Variants in NOCT observed in about 807,000 individuals in gnomAD.
The protein encoded by NOCT is CCR4 carbon catabolite repression 4-like.
NOCT carries 18 observed loss-of-function variants against 35.0 expected under a neutral mutation model. That is an observed-to-expected ratio of 0.51 (90% CI 0.36 to 0.76). The LOEUF is 0.76. NOCT is among the 30% of genes least tolerant of loss of function. The probability of loss-of-function intolerance (pLI) is 0.01; values close to 1 mark genes in which losing one functional copy is unlikely to be tolerated. For synonymous variants in NOCT, 235 were observed against 226.3 expected (o/e 1.04, Z -0.34); for missense variants, 479 against 541.0 (o/e 0.89, Z 1.14).
At chr4:139,021,763 G>GT (rs1560729106) in intron 1 of NOCT, among the ~76,000 whole-genome samples, 856 of 25,646 alleles carry the variant, frequency 0.033, 11 homozygotes, top group African/African-American at 0.098. Flanking sequence ...CAGTTTTTCT[G>GT]GTTTTTTTTT....
At position 139,016,151 on chromosome 4, in the gene NOCT, C is replaced by A. The variant is rs780645746; in HGVS notation, c.170C>A (p.Ala57Glu). Residue 57 changes from alanine (A) to glutamate (E), a missense_variant, in exon 1 of 3, where the codon GCG becomes GAG. Coordinates refer to ENST00000280614, the MANE Select transcript of NOCT (RefSeq NM_012118.4). Reference sequence around the variant, plus strand: ...GCGGCCTCGGCGGCCTCGGGCGCCGCGAGGTCGTGTTCCCGAACAGGTGAG... The same window carrying A: ...GCGGCCTCGGCGGCCTCGGGCGCCGAGAGGTCGTGTTCCCGAACAGGTGAG... ...LAAASAASGA[A>E]RSCSRTVCSM... 3 of 1,271,000 alleles carry A rather than the reference C, an allele frequency of 2.4e-6. No individual in the cohort carries two copies. Among genetic ancestry groups the A allele is most frequent in the Non-Finnish European group, 2.0e-6 (2 of 1,012,890 alleles). 78.7% of individuals were successfully genotyped at this position (1,271,000 alleles called of 1,614,324 possible).
chr4:139,039,258 A>G (rs1726792862), intron 1 of NOCT, among the ~76,000 whole-genome samples: 1 of 151,568 alleles, frequency 6.6e-6, no homozygotes, highest in South Asian at 2.1e-4. Context: ...TGGAGACAAT[A>G]TTCCAGTTTT....
intron 1 of NOCT, among the ~76,000 whole-genome samples, chr4:139,033,426 T>G (rs1726663634): frequency 6.6e-6 from 1 of 151,726 alleles, no homozygotes; most frequent in Non-Finnish European, 1.5e-5. Flanking sequence ...ATCCCAGCAC[T>G]TTGAGAGGCT....
At chr4:139,038,473 T>G (rs1726773653) in intron 1 of NOCT, among the ~76,000 whole-genome samples, 1 of 152,074 alleles carries the variant, frequency 6.6e-6, no homozygotes, top group African/African-American at 2.4e-5. Flanking sequence ...ACAAGAATGT[T>G]TTCCTTGAGA....
Position 139,045,032 on chromosome 4 carries a change from C to A in NOCT, c.854C>A (p.Thr285Asn), listed in dbSNP as rs752491438. 1 of 1,614,226 alleles carries A rather than the reference C, an allele frequency of 6.2e-7. No homozygotes were observed. The highest frequency in any genetic ancestry group is 8.5e-7 in the Non-Finnish European group (1 of 1,180,046). The change falls in exon 3 of 3, where the codon ACC (threonine) becomes AAC (asparagine). Residue 285 changes from threonine to asparagine, a missense_variant. Physicochemically the swap from Thr to Asn is moderately conservative, Grantham distance 65. Transcript: ENST00000280614. ...GGCCGACAGTTCTGCATCGCTGTTA[C>A]CCATCTAAAAGCACGCACTGGCTGG... is the stretch of plus-strand genomic sequence containing the variant. The part of the protein sequence containing the change: ...ESGRQFCIAV[T>N]HLKARTGWER...
Position 139,045,363 on chromosome 4 carries a change from C to T in NOCT, c.1185C>T (p.Leu395=). The change falls in exon 3 of 3, where the codon CTC becomes CTT. Residue 395 remains leucine, a synonymous_variant. Coordinates refer to ENST00000280614, the MANE Select transcript of NOCT (RefSeq NM_012118.4). ...ALNVRSALDL[L]TEEQIGPNRL... ...ATGTAAGGTCAGCTCTCGATCTGCT[C>T]ACTGAAGAACAGATTGGACCCAACA... The T allele has an allele frequency of 6.2e-7, 1 of 1,614,028 alleles. No homozygotes were observed.
intron 1 of NOCT, among the ~76,000 whole-genome samples, chr4:139,024,683 C>T (rs1303217607): frequency 1.3e-5 from 2 of 152,170 alleles, no homozygotes; most frequent in Admixed American, 6.5e-5. Context: ...CCTCCATCAA[C>T]CTGGTTCAAG....
chr4:139,026,082 C>A (rs1359556227), intron 1 of NOCT, among the ~76,000 whole-genome samples: 1 of 152,028 alleles, frequency 6.6e-6, no homozygotes, highest in African/African-American at 2.4e-5. Context: ...TAGCTGCCTT[C>A]CAAATGGACT....
Position 139,045,472 on chromosome 4 carries a change from T to A in NOCT, c.1294T>A (p.Ter432LysextTer29). Residue 432 changes from the stop codon to lysine, a stop_lost, in exon 3 of 3, where the codon TAA becomes AAA. Transcript: ENST00000280614. ...SFTEESDGLS[*>K] ...TACTGAGGAATCTGATGGACTTTCA[T>A]AAATACTTGCTTTTGTCTTTTTAAT... The A allele has an allele frequency of 7.2e-7, 1 of 1,383,366 alleles. No individual in the cohort carries two copies. Among genetic ancestry groups the A allele is most frequent in the Non-Finnish European group, 1.0e-6 (1 of 990,602 alleles). The allele number at this position is 1,383,366 out of a possible 1,614,324, so 85.7% of individuals were successfully genotyped here.
intron 1 of NOCT, among the ~76,000 whole-genome samples, chr4:139,029,568 C>A (rs776711836): frequency 6.6e-6 from 1 of 152,208 alleles, no homozygotes; most frequent in Non-Finnish European, 1.5e-5. Context: ...ATATTTGACT[C>A]CTGCCAGAAA....
At chr4:139,041,091 C>A (rs1726826240) in intron 1 of NOCT, among the ~76,000 whole-genome samples, 1 of 152,184 alleles carries the variant, frequency 6.6e-6, no homozygotes, top group Non-Finnish European at 1.5e-5. Context: ...GATGCACACA[C>A]ACCTGCTATG....
At chr4:139,036,963 C>T (rs188155960) in intron 1 of NOCT, among the ~76,000 whole-genome samples, 27 of 152,256 alleles carry the variant, frequency 1.8e-4, no homozygotes, top group Non-Finnish European at 3.2e-4. Flanking sequence ...CTGTCTAGAA[C>T]GAGGGTGGAT....
At chr4:139,028,962 C>T (rs934887368) in intron 1 of NOCT, among the ~76,000 whole-genome samples, 2 of 151,536 alleles carry the variant, frequency 1.3e-5, no homozygotes, top group African/African-American at 4.9e-5. Flanking sequence ...TCTCAGCCTC[C>T]CGAGTAGCTG....
chr4:139,036,450 A>C (rs1177817303), intron 1 of NOCT, among the ~76,000 whole-genome samples: 1 of 152,168 alleles, frequency 6.6e-6, no homozygotes, highest in African/African-American at 2.4e-5. Flanking sequence ...CTGTGGTTTG[A>C]ATGGGGCAGA....
In NOCT at chr4:139,015,960, C is replaced by T. The variant is rs936091601; in HGVS notation, c.-22C>T. On this transcript the variant is annotated 5_prime_UTR_variant, in exon 1 of 3. Coordinates refer to ENST00000280614, the MANE Select transcript of NOCT (RefSeq NM_012118.4). Reference sequence around the variant, plus strand: ...TCCGCTCCTCGGGCGCGCGAGGGGCCGTGGTGGCGGCGGCGCCCGGCATGT... The same window carrying T: ...TCCGCTCCTCGGGCGCGCGAGGGGCTGTGGTGGCGGCGGCGCCCGGCATGT... 3.5e-5 allele frequency: 46 copies of T among 1,332,718 alleles called. No homozygotes were observed. The highest frequency in any genetic ancestry group is 4.4e-5 in the Non-Finnish European group (46 of 1,046,580). 82.6% of individuals were successfully genotyped at this position (1,332,718 alleles called of 1,614,324 possible).
chr4:139,039,011 G>A (rs368495095), intron 1 of NOCT, among the ~76,000 whole-genome samples: 1 of 151,980 alleles, frequency 6.6e-6, no homozygotes, highest in Non-Finnish European at 1.5e-5. Context: ...GAGTGTGTGT[G>A]TACTTAACAA....
At chr4:139,022,203 C>G in intron 1 of NOCT, among the ~76,000 whole-genome samples, 1 of 152,170 alleles carries the variant, frequency 6.6e-6, no homozygotes, top group Non-Finnish European at 1.5e-5. Flanking sequence ...AGCTAAGATA[C>G]TTTTTATTTA....
intron 1 of NOCT, among the ~76,000 whole-genome samples, chr4:139,025,123 C>T (rs1726488358): frequency 6.6e-6 from 1 of 152,186 alleles, no homozygotes; most frequent in South Asian, 2.1e-4. Context: ...CAGGTCCATT[C>T]ACCTTTGCAA....
chr4:139,015,813 C>A lies in NOCT; in HGVS notation c.-169C>A. On this transcript the variant is annotated 5_prime_UTR_variant, in exon 1 of 3. Coordinates refer to ENST00000280614, the MANE Select transcript of NOCT (RefSeq NM_012118.4). ...GCCGACGCAGCGGTGTTGCACCTCC[C>A]TCTCCGGCTCTGCTGCCCGGGATTT... The A allele has an allele frequency of 2.2e-6, 1 of 459,028 alleles. No homozygotes were observed. The highest frequency in any genetic ancestry group is 3.4e-6 in the Non-Finnish European group (1 of 293,044). 28.4% of individuals were successfully genotyped at this position (459,028 alleles called of 1,614,324 possible). A position where few individuals can be genotyped will look rare whatever the true frequency, so the allele number is the denominator to read the frequency against.
Sources: allele counts gnomAD v4.1 joint callset (sites outside exome capture counted in the v4.1 genomes callset), GRCh38; gene constraint gnomAD v4.1.1; transcripts MANE v1.5; gene names NCBI Gene and HGNC (gene_info 2026-07-23, HGNC 2026-07-21).